Variants in TMEM72 observed in about 807,000 individuals in gnomAD.
The protein encoded by TMEM72 is kidney-specific secretory protein of 37 kDa.
Under a neutral mutation model 16.3 loss-of-function variants are expected in TMEM72, and 9 were observed. The observed-to-expected ratio is 0.55, with a 90% confidence interval of 0.33 to 0.96. The LOEUF is 0.96. Ranked by LOEUF, TMEM72 falls within the 40% of genes least tolerant of loss-of-function variation. The probability of loss-of-function intolerance (pLI) is 0.03; values close to 1 mark genes in which losing one functional copy is unlikely to be tolerated. For missense variants in TMEM72, 324 were observed against 337.8 expected (o/e 0.96, Z 0.32); for synonymous variants, 160 against 146.5 (o/e 1.09, Z -0.66).
intron 1 of TMEM72, among the ~76,000 whole-genome samples, chr10:44,926,840 T>G (rs1840203104): frequency 6.7e-6 from 1 of 149,356 alleles, no homozygotes; most frequent in Non-Finnish European, 1.5e-5. Context: ...GTAGCTTCAG[T>G]GCAAGGCTCT....
In TMEM72 at chr10:44,924,850, G is replaced by T. The variant is rs576463424; in HGVS notation, c.71-3071G>T. 2.6e-5 allele frequency among the ~76,000 whole-genome samples: 4 copies of T among 152,352 alleles called. No homozygotes were observed. In the South Asian group the frequency reaches 8.3e-4, roughly 32 times the overall value. On this transcript the variant is annotated intron_variant, in intron 1 of 4. Transcript: ENST00000389583. ...AGGTGGCATTCCTCAGTCTCGGCAGGCAGAATCCTGCTGGCTATGGTTGGA... is the reference window on the plus strand; with the variant it reads ...AGGTGGCATTCCTCAGTCTCGGCAGTCAGAATCCTGCTGGCTATGGTTGGA...
intron 1 of TMEM72, among the ~76,000 whole-genome samples, chr10:44,926,379 T>C (rs1425242348): frequency 6.6e-6 from 1 of 152,182 alleles, no homozygotes; most frequent in East Asian, 1.9e-4. Context: ...CACAGGCCAC[T>C]GAGCCTCACT....
Position 44,933,716 on chromosome 10 carries a change from C to A in TMEM72, c.289C>A (p.Leu97Met). 1 of 1,614,138 alleles carries A rather than the reference C, an allele frequency of 6.2e-7. No homozygotes were observed. The highest frequency in any genetic ancestry group is 8.5e-7 in the Non-Finnish European group (1 of 1,179,996). The change falls in exon 4 of 5, where the codon CTG becomes ATG. Residue 97 changes from leucine (L) to methionine (M), a missense_variant. Transcript: ENST00000389583. ...CTGCTTCCAGAAGTTCCTGGCCTAC[C>A]TGCTGCTGTCGGTGGCCTGCTTCCT... ...LGCFQKFLAY[L>M]LLSVACFLHP...
At position 44,935,548 on chromosome 10, in the gene TMEM72, A is replaced by G. The variant is rs1451073281; in HGVS notation, c.*414A>G. ...ACACTCAGTGAGGAACCTATGGTCC[A>G]CCCATCTCTGCAGGCCCAGGGAAGT... On this transcript the variant is annotated 3_prime_UTR_variant, in exon 5 of 5. Coordinates refer to ENST00000389583, the MANE Select transcript of TMEM72 (RefSeq NM_001123376.3). 1 of 165,334 alleles carries G rather than the reference A, an allele frequency of 6.0e-6. No homozygotes were observed. Among genetic ancestry groups the G allele is most frequent in the Non-Finnish European group, 1.3e-5 (1 of 77,456 alleles). The allele number at this position is 165,334 out of a possible 1,614,324, so 10.2% of individuals were successfully genotyped here.
In TMEM72 at chr10:44,926,159, A is replaced by G. The variant is rs1840188542; in HGVS notation, c.71-1762A>G. On this transcript the variant is annotated intron_variant, in intron 1 of 4. Coordinates refer to ENST00000389583, the MANE Select transcript of TMEM72 (RefSeq NM_001123376.3). ...CACACTCACATATATACTCACATAT[A>G]CACATACACTCACACACTCACACAT... Among the ~76,000 whole-genome samples, 5 of 152,136 alleles carry G rather than the reference A, an allele frequency of 3.3e-5. No homozygotes were observed. In the South Asian group the frequency reaches 1.0e-3, roughly 32 times the overall value.
chr10:44,928,316 A>G (rs1218186569), intron 2 of TMEM72, among the ~76,000 whole-genome samples: 3 of 151,930 alleles, frequency 2.0e-5, no homozygotes, highest in African/African-American at 7.2e-5. Flanking sequence ...CCACTCATCC[A>G]TCTATCCATC....
intron 1 of TMEM72, among the ~76,000 whole-genome samples, chr10:44,913,040 A>C (rs1839959793): frequency 6.6e-6 from 1 of 152,190 alleles, no homozygotes. Context: ...CAGCAGGAAG[A>C]GGTTCAGAAT....
intron 4 of TMEM72, 30 bp downstream of exon 4, chr10:44,933,806 C>A: frequency 6.3e-7 from 1 of 1,587,296 alleles, no homozygotes; most frequent in Admixed American, 1.7e-5. Flanking sequence ...GATATGCAGC[C>A]CCAGCACAGG....
Position 44,911,445 on chromosome 10 carries a change from C to T in TMEM72, c.-68C>T, listed in dbSNP as rs867611206. On this transcript the variant is annotated 5_prime_UTR_variant, in exon 1 of 5. Transcript: ENST00000389583. ...AGCCTCCTACCTACACAAGGGTGTTCGGGAGCATCTCAGGGCCGAAGACTT... is the reference window on the plus strand; with the variant it reads ...AGCCTCCTACCTACACAAGGGTGTTTGGGAGCATCTCAGGGCCGAAGACTT... The T allele has an allele frequency of 1.2e-4, 173 of 1,500,706 alleles. No homozygotes were observed. Among genetic ancestry groups the T allele is most frequent in the Middle Eastern group, 1.7e-4 (1 of 5,900 alleles). 93.0% of individuals were successfully genotyped at this position (1,500,706 alleles called of 1,614,324 possible).
Position 44,911,352 on chromosome 10 carries a change from C to T in TMEM72, c.-161C>T. The T allele has an allele frequency of 1.5e-6, 1 of 669,352 alleles. No homozygotes were observed. Among genetic ancestry groups the T allele is most frequent in the Non-Finnish European group, 2.5e-6 (1 of 393,482 alleles). 41.5% of individuals were successfully genotyped at this position (669,352 alleles called of 1,614,324 possible). ...CACAGAAGGTGAGCCCTATTCACACCTCGGCCAGGCTGCGGTGGCCAGGAC... is the reference window on the plus strand; with the variant it reads ...CACAGAAGGTGAGCCCTATTCACACTTCGGCCAGGCTGCGGTGGCCAGGAC... On this transcript the variant is annotated 5_prime_UTR_variant, in exon 1 of 5. Coordinates refer to ENST00000389583, the MANE Select transcript of TMEM72 (RefSeq NM_001123376.3).
chr10:44,932,538 C>A (rs536883758), intron 3 of TMEM72, among the ~76,000 whole-genome samples: 2 of 152,264 alleles, frequency 1.3e-5, no homozygotes, highest in Admixed American at 1.3e-4. Context: ...GCAGACCCTG[C>A]AGGATCTCGT....
At chr10:44,917,720 C>T (rs543466168) in intron 1 of TMEM72, among the ~76,000 whole-genome samples, 1 of 152,088 alleles carries the variant, frequency 6.6e-6, no homozygotes, top group African/African-American at 2.4e-5. Context: ...AGGTAAGGGT[C>T]AGATGAAGAA....
chr10:44,931,738 C>G, intron 2 of TMEM72: 1 of 507,602 alleles, frequency 2.0e-6, no homozygotes, highest in Non-Finnish European at 3.6e-6. Flanking sequence ...CACAGGGTGC[C>G]AGGTGAAGGC....
chr10:44,930,372 C>T (rs1347794430), intron 2 of TMEM72, among the ~76,000 whole-genome samples: 2 of 152,210 alleles, frequency 1.3e-5, no homozygotes, highest in Non-Finnish European at 2.9e-5. Flanking sequence ...GTTAGGCACA[C>T]AAGCTCTGGA....
chr10:44,935,141 G>A lies in TMEM72; in HGVS notation c.*7G>A. Reference sequence around the variant, plus strand: ...AGCCACCGGCCTGTTCTGAGCGCTTGCTCCAGCCTGGAGGACGCTCAGTGA... The same window carrying A: ...AGCCACCGGCCTGTTCTGAGCGCTTACTCCAGCCTGGAGGACGCTCAGTGA... On this transcript the variant is annotated 3_prime_UTR_variant, in exon 5 of 5. Coordinates refer to ENST00000389583, the MANE Select transcript of TMEM72 (RefSeq NM_001123376.3). 6.4e-7 allele frequency: 1 copy of A among 1,561,918 alleles called. No individual in the cohort carries two copies. Among genetic ancestry groups the A allele is most frequent in the Non-Finnish European group, 8.7e-7 (1 of 1,154,010 alleles).
intron 1 of TMEM72, among the ~76,000 whole-genome samples, chr10:44,925,942 CACTT>C (rs972887395): frequency 2.6e-5 from 4 of 152,042 alleles, no homozygotes; most frequent in East Asian, 1.9e-4. Flanking sequence ...CATACACACA[CACTT>C]ACACACACAC....
At chr10:44,915,768 G>A (rs1840004671) in intron 1 of TMEM72, among the ~76,000 whole-genome samples, 2 of 152,076 alleles carry the variant, frequency 1.3e-5, no homozygotes, top group Non-Finnish European at 2.9e-5. Context: ...TCAAGACACC[G>A]ATATTCATTG....
At chr10:44,934,619 G>T in intron 4 of TMEM72, 37 bp from the exon 5 acceptor site, 1 of 1,508,142 alleles carries the variant, frequency 6.6e-7, no homozygotes. Context: ...TTTTTTCCGT[G>T]ACTCCTCTAG....
intron 1 of TMEM72, among the ~76,000 whole-genome samples, chr10:44,919,524 A>C (rs1190059688): frequency 1.3e-5 from 2 of 152,256 alleles, no homozygotes; most frequent in Non-Finnish European, 2.9e-5. Flanking sequence ...ATCTTTAAAA[A>C]TACAAATTAT....
Sources: allele counts gnomAD v4.1 joint callset (sites outside exome capture counted in the v4.1 genomes callset), GRCh38; gene constraint gnomAD v4.1.1; transcripts MANE v1.5; gene names NCBI Gene and HGNC (gene_info 2026-07-23, HGNC 2026-07-21).